Variants in CNOT6L observed in about 807,000 individuals in gnomAD.
The protein encoded by CNOT6L is CCR4-NOT transcription complex subunit 6-like.
A neutral mutation model predicts 64.0 loss-of-function variants in CNOT6L; 7 were observed. The ratio of observed to expected loss-of-function variants is 0.11; its 90% CI spans 0.06 to 0.21. CNOT6L has a LOEUF of 0.21. Ranked by LOEUF, CNOT6L falls within the 10% of genes least tolerant of loss-of-function variation. The pLI, the probability that CNOT6L is intolerant of heterozygous loss-of-function variation, is 1.00. For missense variants in CNOT6L, 245 were observed against 669.0 expected (o/e 0.37, Z 6.99); for synonymous variants, 193 against 243.4 (o/e 0.79, Z 1.93).
chr4:77,815,129 C>A (rs1578016136), intron 1 of CNOT6L, among the ~76,000 whole-genome samples: 1 of 152,086 alleles, frequency 6.6e-6, no homozygotes, highest in South Asian at 2.1e-4. Context: ...TCTTCATCAC[C>A]TATCCCAATA....
chr4:77,738,053 C>T (rs940246619), intron 8 of CNOT6L, among the ~76,000 whole-genome samples: 1 of 152,014 alleles, frequency 6.6e-6, no homozygotes, highest in Non-Finnish European at 1.5e-5. Flanking sequence ...ACCCTCCTTC[C>T]AAGCACAAAA....
At chr4:77,735,757 G>T (rs1039513826) in intron 8 of CNOT6L, among the ~76,000 whole-genome samples, 1 of 152,086 alleles carries the variant, frequency 6.6e-6, no homozygotes, top group Non-Finnish European at 1.5e-5. Flanking sequence ...AGTCTGCAGC[G>T]GGTCCATTCC....
At chr4:77,768,293 C>T (rs1399902005) in intron 4 of CNOT6L, among the ~76,000 whole-genome samples, 1 of 151,524 alleles carries the variant, frequency 6.6e-6, no homozygotes, top group Non-Finnish European at 1.5e-5. Context: ...GGTGAAACCC[C>T]GTCTCTATTA....
chr4:77,788,263 C>T (rs1409025013), intron 1 of CNOT6L, among the ~76,000 whole-genome samples: 2 of 152,066 alleles, frequency 1.3e-5, no homozygotes, highest in Non-Finnish European at 2.9e-5. Flanking sequence ...CATAAAAAGA[C>T]ATATTTATAT....
rs1720804117 is a variant in CNOT6L at position 77,716,916 on chromosome 4, G to C, written c.*3515C>G. The C allele has an allele frequency of 6.6e-6, 1 of 152,542 alleles. No homozygotes were observed. Among genetic ancestry groups the C allele is most frequent in the Non-Finnish European group, 1.5e-5 (1 of 68,016 alleles). The allele number at this position is 152,542 out of a possible 1,614,324, so 9.4% of individuals were successfully genotyped here. ...CAAGGCAAATGGGAGGGGAGGAAAA[G>C]CTGGTCTCAGAACCCATTGTGCCAT... On this transcript the variant is annotated 3_prime_UTR_variant, in exon 12 of 12. Transcript: ENST00000504123.
chr4:77,801,937 G>A (rs529830795), intron 1 of CNOT6L, among the ~76,000 whole-genome samples: 2 of 152,202 alleles, frequency 1.3e-5, no homozygotes, highest in East Asian at 3.9e-4. Context: ...GAAACAAGAT[G>A]AGAAAAATGT....
chr4:77,723,572 T>C (rs1721524262), intron 11 of CNOT6L, among the ~76,000 whole-genome samples: 1 of 152,226 alleles, frequency 6.6e-6, no homozygotes, highest in African/African-American at 2.4e-5. Context: ...AGCTCAATTC[T>C]CTCTACTCAG....
chr4:77,791,319 T>A (rs79698560), intron 1 of CNOT6L, among the ~76,000 whole-genome samples: 14 of 152,152 alleles, frequency 9.2e-5, no homozygotes, highest in African/African-American at 3.4e-4. Flanking sequence ...ATCTTTGTCA[T>A]ATTTCTGATA....
intron 11 of CNOT6L, among the ~76,000 whole-genome samples, chr4:77,722,645 A>G (rs569615284): frequency 4.6e-5 from 7 of 152,340 alleles, no homozygotes; most frequent in African/African-American, 1.2e-4. Flanking sequence ...TAAACACTCC[A>G]GGAAGTAAGA....
At chr4:77,727,130 A>C (rs575624742) in intron 10 of CNOT6L, among the ~76,000 whole-genome samples, 53 of 152,336 alleles carry the variant, frequency 3.5e-4, no homozygotes, top group African/African-American at 1.3e-3. Flanking sequence ...TAAGCACAAT[A>C]TCAGTATTGT....
At chr4:77,761,195 T>C (rs10005741) in intron 4 of CNOT6L, among the ~76,000 whole-genome samples, 131,050 of 151,880 alleles carry the variant, frequency 0.86, 56,775 homozygotes, top group Non-Finnish European at 0.9. Context: ...CAAGCAACGA[T>C]GACCAAAAAA....
At chr4:77,767,330 A>T (rs1161927412) in intron 4 of CNOT6L, among the ~76,000 whole-genome samples, 1 of 152,152 alleles carries the variant, frequency 6.6e-6, no homozygotes, top group African/African-American at 2.4e-5. Flanking sequence ...TTTTTCATGA[A>T]ACTTAACAAG....
chr4:77,818,855 G>C (rs966276503), intron 1 of CNOT6L: 1 of 253,126 alleles, frequency 4.0e-6, no homozygotes, highest in African/African-American at 2.3e-5. Flanking sequence ...CGCGGCCGGG[G>C]AACGGCGGCC....
intron 1 of CNOT6L, among the ~76,000 whole-genome samples, chr4:77,781,147 AG>A (rs895562160): frequency 6.6e-6 from 1 of 152,032 alleles, no homozygotes; most frequent in Non-Finnish European, 1.5e-5. Flanking sequence ...ACATGGACAC[AG>A]GGAGGGGAAT....
intron 8 of CNOT6L, 31 bp from the exon 9 acceptor site, chr4:77,731,569 C>T (rs764438267): frequency 4.2e-6 from 6 of 1,428,284 alleles, no homozygotes; most frequent in Non-Finnish European, 4.7e-6. Flanking sequence ...ATTTTAGGTA[C>T]CTAGACTATC....
chr4:77,779,888 CGG>C (rs1372035530), intron 1 of CNOT6L, among the ~76,000 whole-genome samples: 1 of 152,078 alleles, frequency 6.6e-6, no homozygotes, highest in Non-Finnish European at 1.5e-5. Context: ...GGCATGAACC[CGG>C]GAGGCGGAGC....
chr4:77,730,354 T>C (rs944627100), intron 9 of CNOT6L, among the ~76,000 whole-genome samples: 3 of 152,082 alleles, frequency 2.0e-5, no homozygotes, highest in African/African-American at 7.2e-5. Flanking sequence ...GTATTCACAA[T>C]ATTAAAAATT....
intron 4 of CNOT6L, among the ~76,000 whole-genome samples, chr4:77,771,031 A>G (rs1292646229): frequency 6.6e-6 from 1 of 152,194 alleles, no homozygotes; most frequent in Non-Finnish European, 1.5e-5. Flanking sequence ...TTCAACAGTA[A>G]ATTATTCGCC....
At position 77,760,860 on chromosome 4, in the gene CNOT6L, C is replaced by CT. The variant is rs754195745; in HGVS notation, c.401-3910dup. Among the ~76,000 whole-genome samples the CT allele has an allele frequency of 1.5e-3, 44 of 29,974 alleles. 4 individuals are homozygous for CT. Among genetic ancestry groups the CT allele is most frequent in the Middle Eastern group, 0.036 (1 of 28 alleles). The allele number at this position is 29,974 out of a possible 152,430, so 19.7% of individuals were successfully genotyped here. The stretch of plus-strand genomic sequence containing the variant: ...TACAGGTGCACACCACCATGCCTGG[C>CT]TTTTTTTTTTTTTTTTTTTTTTTTT... On this transcript the variant is annotated intron_variant, in intron 4 of 11. Transcript: ENST00000504123.
Sources: allele counts gnomAD v4.1 joint callset (sites outside exome capture counted in the v4.1 genomes callset), GRCh38; gene constraint gnomAD v4.1.1; transcripts MANE v1.5; gene names NCBI Gene and HGNC (gene_info 2026-07-23, HGNC 2026-07-21).